CERT1: variants seen among roughly 807,000 people sequenced by gnomAD.
CERT1 encodes ceramide transfer protein.
Under a neutral mutation model 87.9 loss-of-function variants are expected in CERT1, and 31 were observed. That is an observed-to-expected ratio of 0.35 (90% CI 0.27 to 0.48). The LOEUF is 0.48. Ranked by LOEUF, CERT1 falls within the 20% of genes least tolerant of loss-of-function variation. The probability of loss-of-function intolerance (pLI) is 0.99; values close to 1 mark genes in which losing one functional copy is unlikely to be tolerated. For synonymous variants in CERT1, 289 were observed against 250.9 expected, an observed-to-expected ratio of 1.15 and a Z score of -1.44; for missense variants, 487 against 758.0, an observed-to-expected ratio of 0.64 and a Z score of 4.20.
At chr5:75,433,603 C>T (rs532475213) in intron 3 of CERT1, among the ~76,000 whole-genome samples, 49 of 152,276 alleles carry the variant, frequency 3.2e-4, no homozygotes, top group African/African-American at 1.2e-3. Context: ...TCACTGAAGC[C>T]TCAACCTCCT....
Position 75,511,376 on chromosome 5 carries a change from C to A in CERT1, c.-169G>T, listed in dbSNP as rs12516621. 1.3e-6 allele frequency: 2 copies of A among 1,546,426 alleles called. No homozygotes were observed. The highest frequency in any genetic ancestry group is 2.4e-5 in the East Asian group (1 of 40,842). On this transcript the variant is annotated 5_prime_UTR_variant, in exon 1 of 17. Transcript: ENST00000643780. ...AAGTCCGCCCGCCGCGCCGCCGCCG[C>A]GCCTGACACCGAGCGGAGCGAGGAA... is the stretch of plus-strand genomic sequence containing the variant.
At chr5:75,415,977 G>C (rs1173611808) in intron 7 of CERT1, among the ~76,000 whole-genome samples, 1 of 152,096 alleles carries the variant, frequency 6.6e-6, no homozygotes, top group Non-Finnish European at 1.5e-5. Flanking sequence ...ATTCTGAACA[G>C]CTCTCTTTTC....
chr5:75,410,982 T>TAGAG (rs1762913868), intron 8 of CERT1, 29 bp downstream of exon 8: 1 of 1,212,740 alleles, frequency 8.2e-7, no homozygotes, highest in African/African-American at 1.5e-5. Context: ...ATCTATGTGT[T>TAGAG]TCTCTAAGAT....
chr5:75,495,775 A>G (rs1475316719), intron 2 of CERT1, among the ~76,000 whole-genome samples: 1 of 152,204 alleles, frequency 6.6e-6, no homozygotes, highest in African/African-American at 2.4e-5. Context: ...TCTATACACA[A>G]AACATAGAAA....
intron 2 of CERT1, among the ~76,000 whole-genome samples, chr5:75,499,775 A>G (rs1201044870): frequency 6.6e-6 from 1 of 152,088 alleles, no homozygotes; most frequent in Non-Finnish European, 1.5e-5. Flanking sequence ...CACATATACA[A>G]TTTTCTTAAG....
chr5:75,420,973 C>G (rs1763353271), intron 5 of CERT1, among the ~76,000 whole-genome samples: 1 of 152,076 alleles, frequency 6.6e-6, no homozygotes. Flanking sequence ...TGCACACCAC[C>G]AGCCCAGCTA....
chr5:75,498,721 A>G (rs547052515), intron 2 of CERT1, among the ~76,000 whole-genome samples: 2 of 152,362 alleles, frequency 1.3e-5, no homozygotes, highest in African/African-American at 2.4e-5. Flanking sequence ...GGGAGCCCTC[A>G]TGGAGAACCT....
At chr5:75,425,533 G>A (rs751078526) in intron 4 of CERT1, 34 bp from the exon 5 acceptor site, 1 of 1,605,640 alleles carries the variant, frequency 6.2e-7, no homozygotes, top group Admixed American at 1.7e-5. Context: ...TGTAATTCAA[G>A]TAAAACAAAA....
chr5:75,511,553 A>G lies in CERT1; in HGVS notation c.-346T>C, dbSNP rs1768005426. ...GAAGGAAAAGGGAAAAGAAGGGAAG[A>G]GAAAATCCGGCCGCTGAGTCCCGCG... is the stretch of plus-strand genomic sequence containing the variant. On this transcript the variant is annotated 5_prime_UTR_variant, in exon 1 of 17. Coordinates refer to ENST00000643780, the MANE Select transcript of CERT1 (RefSeq NM_001379029.1). 1 of 1,458,456 alleles carries G rather than the reference A, an allele frequency of 6.9e-7. No homozygotes were observed. Among genetic ancestry groups the G allele is most frequent in the Non-Finnish European group, 9.0e-7 (1 of 1,107,996 alleles). 90.3% of individuals were successfully genotyped at this position (1,458,456 alleles called of 1,614,324 possible).
rs1396755262 is a variant in CERT1, at chr5:75,400,603, G to A, written c.1018-306C>T. 3 of 234,202 alleles carry A rather than the reference G, an allele frequency of 1.3e-5. No homozygotes were observed. In the East Asian group the frequency reaches 2.7e-4, roughly 21 times the overall value. The allele number at this position is 234,202 out of a possible 1,614,324, so 14.5% of individuals were successfully genotyped here. On this transcript the variant is annotated intron_variant, in intron 9 of 16. Transcript: ENST00000643780. ...TTATTTATCATGGGTCAATCTTAAC[G>A]CTGCTGCCAATTCTCTCCTATCCAA... is the stretch of plus-strand genomic sequence containing the variant.
intron 3 of CERT1, among the ~76,000 whole-genome samples, chr5:75,458,708 A>G (rs1465332450): frequency 6.6e-6 from 1 of 152,042 alleles, no homozygotes; most frequent in Non-Finnish European, 1.5e-5. Context: ...CTCACCACTA[A>G]GCACGGCTAA....
intron 2 of CERT1, among the ~76,000 whole-genome samples, chr5:75,460,927 A>G (rs531838773): frequency 6.6e-6 from 1 of 152,236 alleles, no homozygotes; most frequent in Non-Finnish European, 1.5e-5. Flanking sequence ...TGAGAAGTAG[A>G]GTGTGCTAGA....
intron 5 of CERT1, among the ~76,000 whole-genome samples, chr5:75,424,433 A>G (rs1374687496): frequency 2.0e-5 from 3 of 151,912 alleles, no homozygotes; most frequent in Non-Finnish European, 2.9e-5. Flanking sequence ...TTAGCTGGGC[A>G]TGGTGGCACG....
rs1432827339 is a variant in CERT1, at chr5:75,449,177, G to C, written c.348+9888C>G. ...TTTCTTTTACTTTGGGACATACTAA[G>C]AGATTAAGGCAGTTAGGGGTTGAAA... On this transcript the variant is annotated intron_variant, in intron 3 of 16. Transcript: ENST00000643780. Among the ~76,000 whole-genome samples the C allele has an allele frequency of 3.3e-5, 5 of 152,104 alleles. No homozygotes were observed. In the East Asian group the frequency reaches 9.6e-4, roughly 29 times the overall value.
upstream of CERT1, chr5:75,511,761 C>T (rs1365991370): frequency 1.3e-6 from 2 of 1,551,384 alleles, no homozygotes; most frequent in East Asian, 2.4e-5. Context: ...AACCCTACCT[C>T]CGGCTCTCCC....
intron 2 of CERT1, among the ~76,000 whole-genome samples, chr5:75,459,738 G>A (rs949228968): frequency 3.9e-5 from 6 of 152,116 alleles, no homozygotes; most frequent in African/African-American, 7.2e-5. Flanking sequence ...GCCAAGGCAG[G>A]TGGGTCACGA....
intron 8 of CERT1, among the ~76,000 whole-genome samples, chr5:75,406,665 G>A (rs555903835): frequency 2.6e-5 from 4 of 151,390 alleles, no homozygotes; most frequent in South Asian, 2.1e-4. Context: ...TCAGACTCCC[G>A]AGTAGATGGG....
chr5:75,372,076 T>C (rs1761103321), intron 17 of CERT1: 1 of 152,226 alleles, frequency 6.6e-6, no homozygotes, highest in African/African-American at 2.4e-5. Context: ...CAGAATCAAT[T>C]GCAAAAGTAT....
intron 2 of CERT1, among the ~76,000 whole-genome samples, chr5:75,460,446 ATG>A (rs1243497007): frequency 6.6e-6 from 1 of 152,214 alleles, no homozygotes; most frequent in African/African-American, 2.4e-5. Context: ...TTTAGTGAAA[ATG>A]TCAACTTTTT....
Sources: allele counts gnomAD v4.1 joint callset (sites outside exome capture counted in the v4.1 genomes callset), GRCh38; gene constraint gnomAD v4.1.1; transcripts MANE v1.5; gene names NCBI Gene and HGNC (gene_info 2026-07-23, HGNC 2026-07-21).